MPDZ: variants seen among roughly 807,000 people sequenced by gnomAD.
The protein encoded by MPDZ is multiple PDZ domain protein.
A neutral mutation model predicts 239.1 loss-of-function variants in MPDZ; 234 were observed. The observed-to-expected ratio is 0.98, with a 90% CI of 0.88 to 1.09. MPDZ has a LOEUF of 1.09. Ranked by LOEUF, MPDZ falls within the 50% of genes least tolerant of loss-of-function variation. MPDZ has a pLI of 0.00. For missense variants in MPDZ, 3,175 were observed against 2,510.0 expected, an observed-to-expected ratio of 1.26 and a Z score of -5.66; for synonymous variants, 1,048 against 881.3, an observed-to-expected ratio of 1.19 and a Z score of -3.35.
intron 19 of MPDZ, among the ~76,000 whole-genome samples, chr9:13,179,372 T>C (rs888922705): frequency 7.9e-5 from 12 of 152,166 alleles, no homozygotes; most frequent in African/African-American, 1.2e-4. Flanking sequence ...ACAATCAAAA[T>C]TGCTTTTCAT....
In MPDZ at chr9:13,193,159, C is replaced by G; in HGVS notation, c.1803+8G>C. 1 of 1,558,458 alleles carries G rather than the reference C, an allele frequency of 6.4e-7. No homozygotes were observed. The highest frequency in any genetic ancestry group is 8.7e-7 in the Non-Finnish European group (1 of 1,146,848). On this transcript the variant is annotated splice_region_variant and intron_variant, in intron 14 of 46. Coordinates refer to ENST00000319217, the MANE Select transcript of MPDZ (RefSeq NM_001378778.1). ...TTAAGGAGGAGAAGGAACAGCATAG[C>G]TCCTTACTTCCAATAGCTCGTCTCC... is the stretch of plus-strand genomic sequence containing the variant.
intron 3 of MPDZ, among the ~76,000 whole-genome samples, chr9:13,236,501 G>C (rs563171722): frequency 6.7e-6 from 1 of 150,254 alleles, no homozygotes. Flanking sequence ...GGCTGGTCTC[G>C]AACTCCCGAC....
At chr9:13,263,750 G>C (rs953569748) in intron 1 of MPDZ, among the ~76,000 whole-genome samples, 2 of 152,092 alleles carry the variant, frequency 1.3e-5, no homozygotes, top group African/African-American at 2.4e-5. Flanking sequence ...AACTATTGCT[G>C]TTTTACTTTG....
chr9:13,205,340 A>T (rs1587776335), intron 11 of MPDZ, among the ~76,000 whole-genome samples: 1 of 152,168 alleles, frequency 6.6e-6, no homozygotes, highest in Non-Finnish European at 1.5e-5. Flanking sequence ...TGGCATAAAT[A>T]TCAGAATGGT....
chr9:13,278,072 G>C (rs756834196), intron 1 of MPDZ, among the ~76,000 whole-genome samples: 3 of 152,084 alleles, frequency 2.0e-5, no homozygotes, highest in Non-Finnish European at 4.4e-5. Flanking sequence ...TTCTATAAAG[G>C]GTAACCTAAA....
intron 1 of MPDZ, among the ~76,000 whole-genome samples, chr9:13,255,408 T>C (rs1368685784): frequency 6.6e-6 from 1 of 152,224 alleles, no homozygotes. Flanking sequence ...CTTAATGGCA[T>C]TTAAAGTAGT....
intron 3 of MPDZ, among the ~76,000 whole-genome samples, chr9:13,229,265 C>T (rs1042954352): frequency 2.0e-5 from 3 of 151,938 alleles, no homozygotes; most frequent in African/African-American, 7.2e-5. Flanking sequence ...TCTGTTGATG[C>T]AAAGAAGGCA....
At chr9:13,132,364 TC>T (rs1293101934) in intron 32 of MPDZ, among the ~76,000 whole-genome samples, 4 of 152,194 alleles carry the variant, frequency 2.6e-5, no homozygotes, top group African/African-American at 9.6e-5. Flanking sequence ...GAGAAGGGCT[TC>T]TGACAGCACA....
chr9:13,275,455 T>C (rs1463183158), intron 1 of MPDZ, among the ~76,000 whole-genome samples: 1 of 152,130 alleles, frequency 6.6e-6, no homozygotes, highest in East Asian at 1.9e-4. Context: ...CCTCCAGAAC[T>C]GTGAGGAAAT....
At chr9:13,249,062 GAA>G (rs1783338017) in intron 2 of MPDZ, among the ~76,000 whole-genome samples, 1 of 134,038 alleles carries the variant, frequency 7.5e-6, no homozygotes, top group Admixed American at 8.3e-5. Flanking sequence ...AAATTGCACA[GAA>G]AGAGGGTAAT....
At position 13,168,458 on chromosome 9, in the gene MPDZ, G is replaced by C. The variant is rs542869628; in HGVS notation, c.3162C>G (p.Ile1054Met). 3 of 1,613,480 alleles carry C rather than the reference G, an allele frequency of 1.9e-6. No individual in the cohort carries two copies. The highest frequency in any genetic ancestry group is 2.2e-5 in the South Asian group (2 of 91,060). The change falls in exon 22 of 47, where the codon ATC becomes ATG. Residue 1054 changes from isoleucine to methionine, a missense_variant. Coordinates refer to ENST00000319217, the MANE Select transcript of MPDZ (RefSeq NM_001378778.1). ...TGGTAGACTCTTCATTAATGGACAA[G>C]ATGCAGTCCCCAATGGCAATCCGGC... ...RDGRIAIGDC[I>M]LSINEESTIS...
intron 19 of MPDZ, among the ~76,000 whole-genome samples, chr9:13,182,506 CATAG>C (rs1462832514): frequency 2.0e-5 from 3 of 151,872 alleles, no homozygotes; most frequent in Non-Finnish European, 4.4e-5. Context: ...CACACATGTA[CATAG>C]ATATTCATTA....
chr9:13,224,308 A>C lies in MPDZ; in HGVS notation c.393+66T>G, dbSNP rs944755540. On this transcript the variant is annotated intron_variant, in intron 4 of 46. Coordinates refer to ENST00000319217, the MANE Select transcript of MPDZ (RefSeq NM_001378778.1). ...TGTCACTATATTCTTCAAATTATCC[A>C]TAACTTGATCACATTCTTAAATTAC... 4 of 1,371,272 alleles carry C rather than the reference A, an allele frequency of 2.9e-6. No homozygotes were observed. In the African/African-American group the frequency reaches 5.8e-5, roughly 20 times the overall value. 84.9% of individuals were successfully genotyped at this position (1,371,272 alleles called of 1,614,324 possible).
chr9:13,196,040 T>C (rs2135265543), intron 13 of MPDZ, 81 bp downstream of exon 13: 9 of 862,040 alleles, frequency 1.0e-5, no homozygotes, highest in South Asian at 7.5e-5. Context: ...GGAACTCTAA[T>C]GATTGCCTCT....
chr9:13,109,880 G>C (rs1002849183), intron 45 of MPDZ, 72 bp downstream of exon 45: 1 of 1,188,856 alleles, frequency 8.4e-7, no homozygotes, highest in Non-Finnish European at 1.2e-6. Flanking sequence ...ACATGGGACA[G>C]AGAACGCAAC....
chr9:13,110,087 C>A (rs1301312719), intron 44 of MPDZ, 23 bp from the exon 45 acceptor site: 6 of 1,560,284 alleles, frequency 3.8e-6, no homozygotes, highest in South Asian at 2.3e-5. Context: ...GGAGGATAAA[C>A]AGAAAAAACA....
At position 13,279,395 on chromosome 9, in the gene MPDZ, CT is replaced by C. The variant is rs1289640314; in HGVS notation, c.-58+4del. The C allele has an allele frequency of 6.8e-6, 1 of 146,484 alleles. No homozygotes were observed. Among genetic ancestry groups the C allele is most frequent in the African/African-American group, 2.5e-5 (1 of 40,586 alleles). 9.1% of individuals were successfully genotyped at this position (146,484 alleles called of 1,614,324 possible). A position where few individuals can be genotyped will look rare whatever the true frequency, so the allele number is the denominator to read the frequency against. On this transcript the variant is annotated splice_donor_region_variant and intron_variant, in intron 1 of 46. Transcript: ENST00000319217. ...CCTCTGGGCCGGGGCTCAAGCGCCG[CT>C]TACCCGGCTCGCGGCGCCCGCCCAG...
chr9:13,157,977 A>G (rs1387034971), intron 24 of MPDZ, 41 bp downstream of exon 24: 3 of 1,526,014 alleles, frequency 2.0e-6, no homozygotes, highest in Non-Finnish European at 2.7e-6. Flanking sequence ...TTTAAACACT[A>G]TATATCCATT....
rs568959165 is a variant in MPDZ, at chr9:13,182,805, G to C, written c.2649+613C>G. ...GAGTATGTCACCAAGAAAATGAATA[G>C]AGTTGGGGCATTTATGCCAATAATC... On this transcript the variant is annotated intron_variant, in intron 19 of 46. Transcript: ENST00000319217. 2.0e-5 allele frequency among the ~76,000 whole-genome samples: 3 copies of C among 152,210 alleles called. No individual in the cohort carries two copies. The East Asian group carries it at 5.8e-4, about 29-fold the overall frequency.
Sources: allele counts gnomAD v4.1 joint callset (sites outside exome capture counted in the v4.1 genomes callset), GRCh38; gene constraint gnomAD v4.1.1; transcripts MANE v1.5; gene names NCBI Gene and HGNC (gene_info 2026-07-23, HGNC 2026-07-21).